Variants in TTC33 observed in about 807,000 individuals in gnomAD.
The protein encoded by TTC33 is tetratricopeptide repeat domain 33.
A neutral mutation model predicts 29.4 loss-of-function variants in TTC33; 24 were observed. The ratio of observed to expected loss-of-function variants is 0.82; its 90% CI spans 0.59 to 1.15. The LOEUF (loss-of-function observed/expected upper bound fraction) is 1.15. Among genes scored for constraint, TTC33 ranks in the 50% most tolerant of loss-of-function variants. TTC33 has a pLI of 0.00. For synonymous variants in TTC33, 107 were observed against 100.3 expected (o/e 1.07, Z -0.40); for missense variants, 286 against 310.4 (o/e 0.92, Z 0.59).
chr5:40,748,027 A>T (rs899192764), intron 1 of TTC33, among the ~76,000 whole-genome samples: 1 of 152,012 alleles, frequency 6.6e-6, no homozygotes, highest in Admixed American at 6.6e-5. Context: ...GGATTTCACC[A>T]TGTTAGCCAG....
At position 40,716,137 on chromosome 5, in the gene TTC33, A is replaced by C; in HGVS notation, c.*8T>G. The C allele has an allele frequency of 6.3e-7, 1 of 1,585,596 alleles. No homozygotes were observed. Among genetic ancestry groups the C allele is most frequent in the South Asian group, 1.2e-5 (1 of 86,460 alleles). On this transcript the variant is annotated 3_prime_UTR_variant, in exon 5 of 5. Coordinates refer to ENST00000337702, the MANE Select transcript of TTC33 (RefSeq NM_012382.3). ...AAGACAGATTCAAATAATCCTATGCATACTGCTTCATCGGGCTTTGATAAA... is the reference window on the plus strand; with the variant it reads ...AAGACAGATTCAAATAATCCTATGCCTACTGCTTCATCGGGCTTTGATAAA...
At chr5:40,744,114 T>C (rs544950684) in intron 2 of TTC33, among the ~76,000 whole-genome samples, 9 of 152,372 alleles carry the variant, frequency 5.9e-5, no homozygotes, top group Non-Finnish European at 7.3e-5. Context: ...AGATGTTTTA[T>C]GGATGTACTC....
chr5:40,722,592 GC>G (rs1406883647), intron 4 of TTC33, among the ~76,000 whole-genome samples: 1 of 151,514 alleles, frequency 6.6e-6, no homozygotes, highest in Non-Finnish European at 1.5e-5. Context: ...TCTCTGACCG[GC>G]CGCCCCGTCT....
At chr5:40,737,521 A>T (rs1283667402) in intron 2 of TTC33, among the ~76,000 whole-genome samples, 4 of 152,266 alleles carry the variant, frequency 2.6e-5, no homozygotes, top group African/African-American at 9.6e-5. Context: ...GATATATGAA[A>T]CGAATATAGA....
At chr5:40,732,564 C>T (rs550726084) in intron 2 of TTC33, among the ~76,000 whole-genome samples, 18 of 151,986 alleles carry the variant, frequency 1.2e-4, no homozygotes, top group African/African-American at 3.4e-4. Context: ...ATATGCTCTA[C>T]AGTACCCAGA....
At chr5:40,750,785 C>T (rs1307325285) in intron 1 of TTC33, among the ~76,000 whole-genome samples, 2 of 152,154 alleles carry the variant, frequency 1.3e-5, no homozygotes, top group Non-Finnish European at 2.9e-5. Flanking sequence ...ATGTTAACAG[C>T]ATCTTCACCA....
intron 1 of TTC33, among the ~76,000 whole-genome samples, chr5:40,754,592 G>A (rs1424792435): frequency 6.6e-6 from 1 of 152,180 alleles, no homozygotes; most frequent in Non-Finnish European, 1.5e-5. Context: ...GTAAAAGCAT[G>A]AATCTGTTAT....
intron 2 of TTC33, among the ~76,000 whole-genome samples, chr5:40,744,322 T>C (rs1314440404): frequency 1.3e-5 from 2 of 152,198 alleles, no homozygotes; most frequent in Admixed American, 6.5e-5. Context: ...TTTGAGATGC[T>C]AGTATTTCAT....
intron 4 of TTC33, among the ~76,000 whole-genome samples, chr5:40,724,685 TAAAC>T (rs1217739423): frequency 2.6e-5 from 4 of 151,776 alleles, no homozygotes; most frequent in Admixed American, 6.6e-5. Context: ...ATAAAGCTCA[TAAAC>T]AAACTTTATT....
rs1742061403 is a variant in TTC33 at position 40,718,731 on chromosome 5, C to G, written c.436-2233G>C. On this transcript the variant is annotated intron_variant, in intron 4 of 4. Transcript: ENST00000337702. Reference sequence around the variant, plus strand: ...TCAGCCTGGGCGACAGAGCAAGATTCCGTCTCGAAAAAAAAAAAAATTAGC... The same window carrying G: ...TCAGCCTGGGCGACAGAGCAAGATTGCGTCTCGAAAAAAAAAAAAATTAGC... Among the ~76,000 whole-genome samples, 3 of 151,046 alleles carry G rather than the reference C, an allele frequency of 2.0e-5. No individual in the cohort carries two copies. In the South Asian group the frequency reaches 6.3e-4, roughly 32 times the overall value.
intron 2 of TTC33, among the ~76,000 whole-genome samples, chr5:40,738,455 AAT>A (rs1456469673): frequency 3.9e-4 from 29 of 74,406 alleles, no homozygotes; most frequent in African/African-American, 1.4e-3. Flanking sequence ...AATACAATAC[AAT>A]ACAATACAAT....
chr5:40,716,548 T>C (rs1196099740), intron 4 of TTC33, 50 bp from the exon 5 acceptor site: 5 of 1,210,802 alleles, frequency 4.1e-6, no homozygotes, highest in African/African-American at 3.0e-5. Context: ...AATTAGTATG[T>C]TTAATACAAT....
At chr5:40,719,128 T>G (rs1331317126) in intron 4 of TTC33, among the ~76,000 whole-genome samples, 1 of 152,150 alleles carries the variant, frequency 6.6e-6, no homozygotes, top group Non-Finnish European at 1.5e-5. Context: ...AATTCAATAT[T>G]CACAGTCACA....
At chr5:40,722,936 T>C (rs1384940441) in intron 4 of TTC33, among the ~76,000 whole-genome samples, 1 of 151,874 alleles carries the variant, frequency 6.6e-6, no homozygotes, top group Non-Finnish European at 1.5e-5. Flanking sequence ...ATCTGGGAGG[T>C]GTACCCAACA....
intron 2 of TTC33, among the ~76,000 whole-genome samples, chr5:40,735,447 G>A (rs1404793832): frequency 3.3e-5 from 5 of 152,072 alleles, no homozygotes; most frequent in African/African-American, 1.2e-4. Context: ...CTTGGTATGA[G>A]TGAAAAAAAG....
intron 2 of TTC33, among the ~76,000 whole-genome samples, chr5:40,742,336 T>C (rs72747963): frequency 0.063 from 9,570 of 152,172 alleles, 402 homozygotes; most frequent in Non-Finnish European, 0.097. Context: ...ATAATAATAA[T>C]AACTAATATT....
At chr5:40,734,202 C>G (rs1742497538) in intron 2 of TTC33, among the ~76,000 whole-genome samples, 1 of 152,204 alleles carries the variant, frequency 6.6e-6, no homozygotes, top group African/African-American at 2.4e-5. Context: ...GGCCTGCAAA[C>G]AAAGGGTGGC....
At chr5:40,748,939 A>ATCAGTATTGATGGCTGAAAACAGAAGT (rs1742847787) in intron 1 of TTC33, among the ~76,000 whole-genome samples, 1 of 152,162 alleles carries the variant, frequency 6.6e-6, no homozygotes, top group Non-Finnish European at 1.5e-5. Flanking sequence ...GTTTAAGACC[A>ATCAGTATTGATGGCTGAAAACAGAAGT]GCCTGGCCAA....
rs373879151 is a variant in TTC33 at position 40,724,946 on chromosome 5, A to C, written c.435+3399T>G. 1.3e-4 allele frequency among the ~76,000 whole-genome samples: 19 copies of C among 150,008 alleles called. No homozygotes were observed. The East Asian group carries it at 3.8e-3, about 30-fold the overall frequency. On this transcript the variant is annotated intron_variant, in intron 4 of 4. Coordinates refer to ENST00000337702, the MANE Select transcript of TTC33 (RefSeq NM_012382.3). ...CAGCTCACTGCAACCTCCACCTGCC[A>C]GGTTCAAGATATTCTCCTGCCTCCT...
Sources: allele counts gnomAD v4.1 joint callset (sites outside exome capture counted in the v4.1 genomes callset), GRCh38; gene constraint gnomAD v4.1.1; transcripts MANE v1.5; gene names NCBI Gene and HGNC (gene_info 2026-07-23, HGNC 2026-07-21).